The following CACNB4 variants were observed in gnomAD, a reference collection of about 807,000 sequenced individuals.
CACNB4 encodes voltage-dependent L-type calcium channel subunit beta-4.
A neutral mutation model predicts 71.2 loss-of-function variants in CACNB4; 32 were observed. The observed-to-expected ratio is 0.45, with a 90% CI of 0.34 to 0.60. The LOEUF (loss-of-function observed/expected upper bound fraction) is 0.60. CACNB4 is among the 20% of genes least tolerant of loss of function. The probability of loss-of-function intolerance (pLI) is 0.01; values close to 1 mark genes in which losing one functional copy is unlikely to be tolerated. For missense variants in CACNB4, 464 were observed against 647.9 expected (o/e 0.72, Z 3.08); for synonymous variants, 231 against 236.9 (o/e 0.97, Z 0.23).
chr2:151,878,550 T>TATACACACACACACAC (rs1553758243), intron 4 of CACNB4, among the ~76,000 whole-genome samples: 3 of 129,878 alleles, frequency 2.3e-5, no homozygotes, highest in African/African-American at 8.6e-5. Context: ...AGACCCTGTC[T>TATACACACACACACAC]ACACACACAC....
At chr2:152,017,229 C>T (rs1399361585) in intron 2 of CACNB4, among the ~76,000 whole-genome samples, 3 of 150,002 alleles carry the variant, frequency 2.0e-5, no homozygotes, top group Non-Finnish European at 4.4e-5. Flanking sequence ...TCTGATTCAA[C>T]GTATCTGAGA....
At chr2:151,875,599 C>T (rs931677551) in intron 5 of CACNB4, among the ~76,000 whole-genome samples, 2 of 146,494 alleles carry the variant, frequency 1.4e-5, no homozygotes, top group Non-Finnish European at 3.0e-5. Flanking sequence ...ACCTCCCGGA[C>T]GGGGCGGCTC....
At chr2:151,886,169 G>T (rs1231013472) in intron 2 of CACNB4, among the ~76,000 whole-genome samples, 1 of 152,162 alleles carries the variant, frequency 6.6e-6, no homozygotes, top group Non-Finnish European at 1.5e-5. Context: ...GCAATGCTTT[G>T]CTGGAAATGG....
chr2:151,855,156 A>C (rs1443212738), intron 11 of CACNB4, 68 bp downstream of exon 11: 2 of 1,166,822 alleles, frequency 1.7e-6, no homozygotes, highest in Non-Finnish European at 2.4e-6. Flanking sequence ...ACTAACAAAA[A>C]ACCACAGAGC....
At chr2:152,029,316 A>G (rs903962785) in intron 2 of CACNB4, among the ~76,000 whole-genome samples, 5 of 151,890 alleles carry the variant, frequency 3.3e-5, no homozygotes, top group African/African-American at 1.2e-4. Context: ...AACATGGTGA[A>G]GCCCCGTCTC....
At position 151,860,764 on chromosome 2, in the gene CACNB4, T is replaced by C. The variant is rs752007243; in HGVS notation, c.815A>G (p.Asn272Ser). The change falls in exon 10 of 14, where the codon AAT (asparagine) becomes AGT (serine). Residue 272 changes from asparagine (N) to serine (S), a missense_variant. Around this residue, in one of 3 missense-constraint regions of CACNB4, gnomAD observed 299 missense variants for 471.7 expected, o/e 0.63. Coordinates refer to ENST00000539935, the MANE Select transcript of CACNB4 (RefSeq NM_000726.5). Reference protein sequence around the residue: ...DISLAKRSVLNNPSKRAIIER... With the variant: ...DISLAKRSVLSNPSKRAIIER... ...AATTATTGCTCTCTTGCTGGGATTATTTAGGACAGACCTCTTAGCAAGAGA... is the reference window on the plus strand; with the variant it reads ...AATTATTGCTCTCTTGCTGGGATTACTTAGGACAGACCTCTTAGCAAGAGA... The C allele has an allele frequency of 1.2e-6, 2 of 1,613,830 alleles. No individual in the cohort carries two copies. Among genetic ancestry groups the C allele is most frequent in the South Asian group, 2.2e-5 (2 of 91,072 alleles).
chr2:152,075,288 C>G (rs1479202270), intron 2 of CACNB4, among the ~76,000 whole-genome samples: 1 of 152,206 alleles, frequency 6.6e-6, no homozygotes. Flanking sequence ...AACAGCTCTG[C>G]TGGTGTTGCT....
chr2:152,061,643 A>AC (rs1686021698), intron 2 of CACNB4, among the ~76,000 whole-genome samples: 3 of 134,052 alleles, frequency 2.2e-5, no homozygotes, highest in African/African-American at 1.1e-4. Context: ...TCTCAAAGCA[A>AC]AAAAAAAAAA....
chr2:152,098,571 C>CAGCAAA lies in CACNB4; in HGVS notation c.64-159_64-158insTTTGCT. Reference sequence around the variant, plus strand: ...CCGCGACTCCCAAATACAGCCCCCACCCCCACCCACCCACTGCAAGCCTCG... The same window carrying CAGCAAA: ...CCGCGACTCCCAAATACAGCCCCCACAGCAAACCCCACCCACCCACTGCAAGCCTCG... On this transcript the variant is annotated intron_variant, in intron 1 of 13. Transcript: ENST00000539935. The surrounding 1 kb of genome is among the most constrained non-coding windows in gnomAD (Gnocchi z 5.3). 1 of 833,444 alleles carries CAGCAAA rather than the reference C, an allele frequency of 1.2e-6. No homozygotes were observed. The highest frequency in any genetic ancestry group is 2.0e-6 in the Non-Finnish European group (1 of 491,718). The allele number at this position is 833,444 out of a possible 1,614,324, so 51.6% of individuals were successfully genotyped here. A position where few individuals can be genotyped will look rare whatever the true frequency, so the allele number is the denominator to read the frequency against.
intron 2 of CACNB4, among the ~76,000 whole-genome samples, chr2:152,014,681 A>G (rs1341480444): frequency 6.6e-6 from 1 of 151,502 alleles, no homozygotes; most frequent in Non-Finnish European, 1.5e-5. Context: ...CAGTGAGCTG[A>G]GATTGCACCA....
intron 2 of CACNB4, chr2:151,972,069 C>CAAAAA (rs56104858): frequency 2.7e-5 from 3 of 110,768 alleles, no homozygotes; most frequent in African/African-American, 1.1e-4. Context: ...GACCCAAAGG[C>CAAAAA]AAAAAAAAAA....
At chr2:152,028,985 T>C (rs1684118068) in intron 2 of CACNB4, among the ~76,000 whole-genome samples, 1 of 152,084 alleles carries the variant, frequency 6.6e-6, no homozygotes, top group Non-Finnish European at 1.5e-5. Context: ...CCAGAAGAAA[T>C]GGATTAAGGC....
intron 2 of CACNB4, among the ~76,000 whole-genome samples, chr2:151,922,644 G>T (rs2099859257): frequency 6.6e-6 from 1 of 152,170 alleles, no homozygotes; most frequent in South Asian, 2.1e-4. Flanking sequence ...TGAGGCAGGG[G>T]CTTATATGAT....
At chr2:152,020,447 C>A (rs1034420952) in intron 2 of CACNB4, among the ~76,000 whole-genome samples, 2 of 152,144 alleles carry the variant, frequency 1.3e-5, no homozygotes, top group African/African-American at 4.8e-5. Context: ...AAGCCAGGTG[C>A]TCCTGTCTGA....
At chr2:151,972,956 TA>T (rs1382064631) in intron 2 of CACNB4, 1 of 152,190 alleles carries the variant, frequency 6.6e-6, no homozygotes, top group Non-Finnish European at 1.5e-5. Flanking sequence ...ACCTTATATT[TA>T]AAAGCTAGCA....
At chr2:151,963,108 C>G (rs188697274) in intron 2 of CACNB4, among the ~76,000 whole-genome samples, 114 of 151,954 alleles carry the variant, frequency 7.5e-4, no homozygotes, top group African/African-American at 2.4e-3. Flanking sequence ...GTCAGGAGAT[C>G]GAGACCATCC....
intron 2 of CACNB4, among the ~76,000 whole-genome samples, chr2:151,938,947 G>T (rs1459052505): frequency 6.6e-6 from 1 of 152,206 alleles, no homozygotes; most frequent in Non-Finnish European, 1.5e-5. Context: ...TGCCGTGTTG[G>T]CTCTGGGACC....
chr2:151,898,478 G>A (rs1318605691), intron 2 of CACNB4, among the ~76,000 whole-genome samples: 1 of 152,134 alleles, frequency 6.6e-6, no homozygotes, highest in Admixed American at 6.5e-5. Context: ...ATCCTAAACA[G>A]GTGTGAAAAG....
intron 2 of CACNB4, among the ~76,000 whole-genome samples, chr2:151,958,191 A>G (rs2099868796): frequency 6.6e-6 from 1 of 152,212 alleles, no homozygotes; most frequent in East Asian, 1.9e-4. Context: ...AAATGTTACA[A>G]TCTACTTCTA....
Sources: allele counts gnomAD v4.1 joint callset (sites outside exome capture counted in the v4.1 genomes callset), GRCh38; gene constraint gnomAD v4.1.1; regional missense constraint gnomAD v4.1.1; non-coding constraint Gnocchi (gnomAD v3.1); transcripts MANE v1.5; gene names NCBI Gene and HGNC (gene_info 2026-07-23, HGNC 2026-07-21).